KLF12: variants seen among roughly 807,000 people sequenced by gnomAD.
KLF12 encodes KLF transcription factor 12.
KLF12 carries 9 observed loss-of-function variants against 37.8 expected under a neutral mutation model. That is an observed-to-expected ratio of 0.24 (90% CI 0.14 to 0.42). KLF12 has a LOEUF of 0.42. KLF12 is among the 10% of genes least tolerant of loss of function. The probability of loss-of-function intolerance (pLI) is 1.00; values close to 1 mark genes in which losing one functional copy is unlikely to be tolerated. For missense variants in KLF12, 411 were observed against 516.0 expected (o/e 0.80, Z 1.97); for synonymous variants, 208 against 202.1 (o/e 1.03, Z -0.25).
intron 1 of KLF12, among the ~76,000 whole-genome samples, chr13:74,023,681 C>G (rs1445694048): frequency 1.3e-5 from 2 of 152,142 alleles, no homozygotes; most frequent in East Asian, 1.9e-4. Flanking sequence ...CCACTCTACT[C>G]TAGGATGACC....
chr13:74,081,246 C>T (rs561931212), intron 1 of KLF12, among the ~76,000 whole-genome samples: 1 of 152,228 alleles, frequency 6.6e-6, no homozygotes, highest in South Asian at 2.1e-4. Flanking sequence ...GGATGGTACT[C>T]GCAGATTTGT....
chr13:73,776,464 A>G (rs1880615001), intron 5 of KLF12, among the ~76,000 whole-genome samples: 2 of 152,240 alleles, frequency 1.3e-5, no homozygotes, highest in Non-Finnish European at 2.9e-5. Flanking sequence ...GTACTTGTGG[A>G]GATTGGCAAG....
At chr13:74,083,533 CACACACAA>C (rs1418756938) in intron 1 of KLF12, among the ~76,000 whole-genome samples, 2 of 149,188 alleles carry the variant, frequency 1.3e-5, no homozygotes, top group African/African-American at 2.5e-5. Context: ...CACACACACA[CACACACAA>C]ACATTTAATA....
chr13:73,714,781 T>C (rs1346685505), intron 7 of KLF12, among the ~76,000 whole-genome samples: 5 of 152,110 alleles, frequency 3.3e-5, no homozygotes, highest in Non-Finnish European at 5.9e-5. Context: ...GGGGGAACAG[T>C]GGCAAAGGCA....
chr13:73,741,641 G>C (rs1013588538), intron 6 of KLF12, among the ~76,000 whole-genome samples: 2 of 152,104 alleles, frequency 1.3e-5, no homozygotes, highest in African/African-American at 4.8e-5. Flanking sequence ...GTATGTTAAG[G>C]CTAATCTAAG....
chr13:74,012,338 T>C (rs1200716116), intron 1 of KLF12, among the ~76,000 whole-genome samples: 1 of 152,154 alleles, frequency 6.6e-6, no homozygotes, highest in African/African-American at 2.4e-5. Context: ...CTTTCCATAA[T>C]CCTCATAGAC....
intron 2 of KLF12, among the ~76,000 whole-genome samples, chr13:73,954,192 A>G (rs1202255091): frequency 1.3e-5 from 2 of 151,594 alleles, no homozygotes; most frequent in African/African-American, 2.4e-5. Flanking sequence ...GTTAGCCAGG[A>G]TGGTCTCGGT....
intron 3 of KLF12, among the ~76,000 whole-genome samples, chr13:73,937,680 T>C (rs1368201207): frequency 6.6e-6 from 1 of 152,196 alleles, no homozygotes; most frequent in East Asian, 1.9e-4. Flanking sequence ...ATTCTCAACT[T>C]CATAGCTTTG....
At chr13:74,115,449 A>C (rs1877242053) in intron 1 of KLF12, among the ~76,000 whole-genome samples, 1 of 152,158 alleles carries the variant, frequency 6.6e-6, no homozygotes. Context: ...TCACTCCTGT[A>C]ATCCCAGCAC....
At chr13:73,882,136 C>G (rs1887012391) in intron 3 of KLF12, among the ~76,000 whole-genome samples, 1 of 152,146 alleles carries the variant, frequency 6.6e-6, no homozygotes. Flanking sequence ...CTTAGCTACT[C>G]TTATCTTTTA....
At chr13:74,267,263 C>T in the KLF12 span, among the ~76,000 whole-genome samples, 1 of 152,172 alleles carries the variant, frequency 6.6e-6, no homozygotes, top group African/African-American at 2.4e-5. Context: ...ACAAGATCAC[C>T]TGGATTTCCT....
chr13:74,193,062 T>A, the KLF12 span, among the ~76,000 whole-genome samples: 9 of 149,112 alleles, frequency 6.0e-5, no homozygotes, highest in African/African-American at 2.2e-4. Flanking sequence ...CACTGCAACC[T>A]GCGGTTCCCG....
chr13:74,222,030 T>TG, the KLF12 span, among the ~76,000 whole-genome samples: 1 of 152,210 alleles, frequency 6.6e-6, no homozygotes, highest in Admixed American at 6.5e-5. Context: ...TCTCCAGTAC[T>TG]GAATAGTTGA....
chr13:73,742,977 C>T (rs1878107119), intron 6 of KLF12, among the ~76,000 whole-genome samples: 1 of 151,584 alleles, frequency 6.6e-6, no homozygotes, highest in African/African-American at 2.4e-5. Flanking sequence ...ATGTCAACCT[C>T]TCATTAAGTC....
chr13:74,000,909 T>C (rs982460453), intron 1 of KLF12, among the ~76,000 whole-genome samples: 5 of 152,232 alleles, frequency 3.3e-5, no homozygotes, highest in African/African-American at 1.2e-4. Context: ...ATGCTCAGAT[T>C]CAAATGTAAT....
the KLF12 span, among the ~76,000 whole-genome samples, chr13:74,223,840 T>G: frequency 6.6e-6 from 1 of 152,210 alleles, no homozygotes; most frequent in African/African-American, 2.4e-5. Context: ...CCCCATGGGT[T>G]TGATCATCAG....
intron 3 of KLF12, among the ~76,000 whole-genome samples, chr13:73,925,702 G>C (rs2325570): frequency 0.76 from 115,680 of 152,106 alleles, 45,091 homozygotes; most frequent in South Asian, 0.85. Flanking sequence ...TTTGATGGAC[G>C]TACACAAAGT....
chr13:74,114,840 A>G (rs1877195016), intron 1 of KLF12, among the ~76,000 whole-genome samples: 1 of 152,214 alleles, frequency 6.6e-6, no homozygotes, highest in Non-Finnish European at 1.5e-5. Context: ...TTTGCCAGAA[A>G]TAGTCTTACA....
At chr13:73,991,354 A>C (rs1403817693) in intron 2 of KLF12, among the ~76,000 whole-genome samples, 1 of 152,242 alleles carries the variant, frequency 6.6e-6, no homozygotes, top group Non-Finnish European at 1.5e-5. Context: ...GTAGCCATGC[A>C]CCAAGTGCAT....
Sources: gnomAD v4.1 joint callset for allele counts (sites outside exome capture counted in the v4.1 genomes callset) on GRCh38, gnomAD v4.1.1 for gene constraint, MANE v1.5 for transcripts, NCBI Gene and HGNC (gene_info 2026-07-23, HGNC 2026-07-21) for gene names.